Variants in ACCSL observed in about 807,000 individuals in gnomAD.
ACCSL encodes 1-aminocyclopropane-1-carboxylate synthase homolog (inactive) like.
ACCSL carries 55 observed loss-of-function variants against 61.7 expected under a neutral mutation model. The observed-to-expected ratio is 0.89, with a 90% CI of 0.72 to 1.12. The LOEUF (loss-of-function observed/expected upper bound fraction) is 1.12, where lower values mean the gene tolerates loss of function less well. Among genes scored for constraint, ACCSL ranks in the 50% most tolerant of loss-of-function variants. The pLI, the probability that ACCSL is intolerant of heterozygous loss-of-function variation, is 0.00. For synonymous variants in ACCSL, 258 were observed against 264.3 expected, an observed-to-expected ratio of 0.98 and a Z score of 0.23; for missense variants, 632 against 698.0, an observed-to-expected ratio of 0.91 and a Z score of 1.07.
chr11:43,931,132 C>T, the ACCSL span, among the ~76,000 whole-genome samples: 1 of 152,226 alleles, frequency 6.6e-6, no homozygotes, highest in Admixed American at 6.5e-5. Context: ...ACAGTGATTT[C>T]CAATCTCAGA....
the ACCSL span, among the ~76,000 whole-genome samples, chr11:44,004,452 C>G: frequency 2.2e-3 from 342 of 152,164 alleles, 1 homozygote; most frequent in Non-Finnish European, 2.6e-3. Flanking sequence ...TGCTCCCTAC[C>G]CGCACCCAGG....
chr11:44,056,362 G>C, intron 11 of ACCSL, 36 bp downstream of exon 11: 1 of 1,596,848 alleles, frequency 6.3e-7, no homozygotes, highest in Non-Finnish European at 8.5e-7. Flanking sequence ...ATGTTGGCTG[G>C]ACCTCATGGC....
chr11:43,952,978 G>A, the ACCSL span, among the ~76,000 whole-genome samples: 3 of 152,314 alleles, frequency 2.0e-5, no homozygotes, highest in East Asian at 5.8e-4. Flanking sequence ...GGATCTGCCT[G>A]TTGCTATGCA....
the ACCSL span, among the ~76,000 whole-genome samples, chr11:44,040,000 A>G: frequency 2.0e-5 from 3 of 152,218 alleles, no homozygotes; most frequent in African/African-American, 7.2e-5. Context: ...ATCTTTAACA[A>G]GGAGAAACTG....
the ACCSL span, among the ~76,000 whole-genome samples, chr11:43,993,585 T>C: frequency 6.6e-6 from 1 of 152,104 alleles, no homozygotes; most frequent in African/African-American, 2.4e-5. Flanking sequence ...GAAAGCCTTT[T>C]CCCCAACACT....
the ACCSL span, among the ~76,000 whole-genome samples, chr11:44,030,057 ATTTTTTTTTTTTT>A: frequency 2.2e-4 from 1 of 4,446 alleles, no homozygotes; most frequent in Non-Finnish European, 4.1e-4. Context: ...TCTTTGGTTG[ATTTTTTTTTTTTT>A]TTTTTTTTTT....
the ACCSL span, among the ~76,000 whole-genome samples, chr11:43,934,613 G>A: frequency 6.6e-6 from 1 of 152,188 alleles, no homozygotes; most frequent in African/African-American, 2.4e-5. Flanking sequence ...CCCACTCTAG[G>A]GAGAGTTCTG....
At chr11:44,057,977 A>C (rs11821772) in intron 11 of ACCSL, among the ~76,000 whole-genome samples, 2,405 of 152,350 alleles carry the variant, frequency 0.016, 66 homozygotes, top group African/African-American at 0.055. Context: ...GTTTGAGACC[A>C]GCCTGGCCAA....
At chr11:43,973,410 ATATCTATC>A in the ACCSL span, among the ~76,000 whole-genome samples, 71,519 of 148,802 alleles carry the variant, frequency 0.48, 17,513 homozygotes, top group Admixed American at 0.55. Context: ...TGGTTTTGAG[ATATCTATC>A]TATCTATCTA....
At chr11:43,931,017 A>T in the ACCSL span, among the ~76,000 whole-genome samples, 1 of 152,178 alleles carries the variant, frequency 6.6e-6, no homozygotes, top group Non-Finnish European at 1.5e-5. Context: ...CAGCTCATCT[A>T]GAAGGTTCCT....
chr11:44,007,250 T>A, the ACCSL span, among the ~76,000 whole-genome samples: 1 of 152,180 alleles, frequency 6.6e-6, no homozygotes, highest in Non-Finnish European at 1.5e-5. Flanking sequence ...CTCAGATGGA[T>A]GACTCTCTGG....
chr11:44,041,882 G>A, the ACCSL span, among the ~76,000 whole-genome samples: 3 of 152,166 alleles, frequency 2.0e-5, no homozygotes, highest in Admixed American at 1.3e-4. Flanking sequence ...ATTTAAATAA[G>A]TTGTCTAAAT....
At chr11:43,985,224 C>A in the ACCSL span, among the ~76,000 whole-genome samples, 1 of 152,280 alleles carries the variant, frequency 6.6e-6, no homozygotes, top group South Asian at 2.1e-4. Context: ...TTTCAAGGAC[C>A]ATTCAAGATA....
intron 1 of ACCSL, 118 bp downstream of exon 1, chr11:44,048,658 CACTCTTGTCATCTTGCAGA>C: frequency 9.7e-7 from 1 of 1,026,538 alleles, no homozygotes; most frequent in Non-Finnish European, 1.4e-6. Context: ...ATGAAACGGG[CACTCTTGTCATCTTGCAGA>C]TAAGGGAATA....
In ACCSL at chr11:44,050,615, C is replaced by A. The variant is rs766913364; in HGVS notation, c.628C>A (p.Gln210Lys). 14 of 1,613,816 alleles carry A rather than the reference C, an allele frequency of 8.7e-6. No individual in the cohort carries two copies. In the Admixed American group the frequency reaches 2.0e-4, roughly 23 times the overall value. ...TLLQYPDWRG[Q>K]PFLREEVARF... ...GCTTCAGTACCCTGATTGGAGAGGGCAGCCATTGTAAGTGACCTTCAGATT... is the reference window on the plus strand; with the variant it reads ...GCTTCAGTACCCTGATTGGAGAGGGAAGCCATTGTAAGTGACCTTCAGATT... Residue 210 changes from glutamine to lysine, a missense_variant, in exon 3 of 14, where the codon CAG becomes AAG. Transcript: ENST00000378832.
chr11:43,966,531 A>G, the ACCSL span, among the ~76,000 whole-genome samples: 3 of 152,198 alleles, frequency 2.0e-5, no homozygotes, highest in African/African-American at 7.2e-5. Flanking sequence ...TTTGCAAATC[A>G]TATATCTGGT....
At chr11:43,945,026 A>G in the ACCSL span, 2 of 152,572 alleles carry the variant, frequency 1.3e-5, no homozygotes, top group East Asian at 3.8e-4. Flanking sequence ...TGGAGAAGAC[A>G]GCAGAGGAAA....
chr11:44,051,414 T>C lies in ACCSL; in HGVS notation c.705+10T>C. On this transcript the variant is annotated intron_variant, in intron 4 of 13. Transcript: ENST00000378832. ...ACTTGACCCAGAAAATGTGAGTCAG[T>C]TTCCCAGCCTTGCTGCCACCCTGGT... The C allele has an allele frequency of 6.2e-7, 1 of 1,614,052 alleles. No homozygotes were observed. Among genetic ancestry groups the C allele is most frequent in the Non-Finnish European group, 8.5e-7 (1 of 1,179,968 alleles).
chr11:43,949,552 C>T, the ACCSL span, among the ~76,000 whole-genome samples: 4 of 152,268 alleles, frequency 2.6e-5, no homozygotes, highest in East Asian at 1.9e-4. Context: ...TGGTGGCTCA[C>T]GCCTGTAATC....
Sources: gnomAD v4.1 joint callset for allele counts (sites outside exome capture counted in the v4.1 genomes callset) on GRCh38, gnomAD v4.1.1 for gene constraint, MANE v1.5 for transcripts, NCBI Gene and HGNC (gene_info 2026-07-23, HGNC 2026-07-21) for gene names.